The following YAP1 variants were observed in gnomAD, a reference collection of about 807,000 sequenced individuals.
YAP1 encodes the protein transcriptional coactivator YAP1.
YAP1 carries 5 observed loss-of-function variants against 56.9 expected under a neutral mutation model. The observed-to-expected ratio is 0.09, with a 90% CI of 0.05 to 0.18. The LOEUF (loss-of-function observed/expected upper bound fraction) is 0.18. Among genes scored for constraint, YAP1 ranks in the 10% least tolerant of loss-of-function variants. The probability of loss-of-function intolerance (pLI) is 1.00; values close to 1 mark genes in which losing one functional copy is unlikely to be tolerated. For missense variants in YAP1, 539 were observed against 651.8 expected, an observed-to-expected ratio of 0.83 and a Z score of 1.88; for synonymous variants, 265 against 248.1, an observed-to-expected ratio of 1.07 and a Z score of -0.64.
chr11:102,223,278 A>G (rs751239092), intron 6 of YAP1, among the ~76,000 whole-genome samples: 1 of 150,292 alleles, frequency 6.7e-6, no homozygotes, highest in Non-Finnish European at 1.5e-5. Flanking sequence ...AAAAAGAAGA[A>G]TTTTTTTTTA....
intron 2 of YAP1, among the ~76,000 whole-genome samples, chr11:102,118,439 T>C (rs1198237141): frequency 2.0e-5 from 3 of 148,746 alleles, no homozygotes; most frequent in Admixed American, 1.4e-4. Flanking sequence ...TCGCTATACA[T>C]AGGCTGATTC....
At chr11:102,112,689 G>A (rs566712921) in intron 1 of YAP1, 7 of 985,116 alleles carry the variant, frequency 7.1e-6, no homozygotes, top group Non-Finnish European at 8.4e-6. Flanking sequence ...GGGTTAAGGA[G>A]GAGGAAAGAA....
chr11:102,223,537 C>T, intron 6 of YAP1, 85 bp from the exon 7 acceptor site: 13 of 1,449,480 alleles, frequency 9.0e-6, no homozygotes, highest in Non-Finnish European at 1.2e-5. Context: ...TGCACGGTTA[C>T]TCTGATGAAC....
At position 102,162,475 on chromosome 11, in the gene YAP1, A is replaced by G; in HGVS notation, c.592A>G (p.Thr198Ala). The G allele has an allele frequency of 6.2e-7, 1 of 1,614,204 alleles. No individual in the cohort carries two copies. The highest frequency in any genetic ancestry group is 8.5e-7 in the Non-Finnish European group (1 of 1,180,028). The stretch of plus-strand genomic sequence containing the variant: ...TCTTAGTCACATCGATCAGACAACA[A>G]CATGGCAGGACCCCAGGAAGGCCAT... The part of the protein sequence containing the change: ...YFLNHIDQTT[T>A]WQDPRKAMLS... The change falls in exon 3 of 9, where the codon ACA (threonine) becomes GCA (alanine). Residue 198 changes from threonine to alanine, a missense_variant. Physicochemically the swap from Thr to Ala is moderately conservative, Grantham distance 58. Around this residue, in one of 4 missense-constraint regions of YAP1, gnomAD observed 414 missense variants for 512.4 expected, o/e 0.81. Transcript: ENST00000282441.
chr11:102,214,719 G>T (rs1949576675), intron 6 of YAP1, among the ~76,000 whole-genome samples: 1 of 152,064 alleles, frequency 6.6e-6, no homozygotes, highest in Admixed American at 6.5e-5. Context: ...GGAAGATTTA[G>T]TCTCACACCT....
intron 2 of YAP1, among the ~76,000 whole-genome samples, chr11:102,143,314 A>C (rs997626800): frequency 4.6e-5 from 7 of 152,200 alleles, no homozygotes; most frequent in Admixed American, 4.6e-4. Context: ...GGCATCAATA[A>C]GGAAGAATTA....
intron 3 of YAP1, among the ~76,000 whole-genome samples, chr11:102,163,337 T>G (rs1316330202): frequency 6.6e-6 from 1 of 152,214 alleles, no homozygotes; most frequent in Non-Finnish European, 1.5e-5. Context: ...AGTGAAAGTT[T>G]AGCCCCTTCA....
intron 2 of YAP1, among the ~76,000 whole-genome samples, chr11:102,145,837 T>G (rs575899718): frequency 6.6e-5 from 10 of 152,218 alleles, no homozygotes; most frequent in Non-Finnish European, 1.3e-4. Flanking sequence ...CCTTACTCCT[T>G]TGCTCACTCA....
intron 2 of YAP1, among the ~76,000 whole-genome samples, chr11:102,154,568 G>A (rs1034969745): frequency 1.3e-5 from 2 of 152,106 alleles, no homozygotes; most frequent in Non-Finnish European, 2.9e-5. Flanking sequence ...ATGGATGGAA[G>A]AATGATGGGT....
chr11:102,172,575 G>C (rs532978952), intron 3 of YAP1, among the ~76,000 whole-genome samples: 1 of 151,068 alleles, frequency 6.6e-6, no homozygotes, highest in East Asian at 2.0e-4. Context: ...TTACATGTGT[G>C]AGCCACCACA....
intron 2 of YAP1, among the ~76,000 whole-genome samples, chr11:102,140,212 T>C (rs1421953442): frequency 6.6e-6 from 1 of 152,172 alleles, no homozygotes. Flanking sequence ...ATCTGTATTT[T>C]TCCATTGTTC....
intron 2 of YAP1, among the ~76,000 whole-genome samples, chr11:102,139,595 G>C (rs1944888419): frequency 6.6e-6 from 1 of 152,124 alleles, no homozygotes; most frequent in Non-Finnish European, 1.5e-5. Flanking sequence ...GGGTGTTCGG[G>C]AGATTGTTCA....
At chr11:102,204,083 T>C (rs945338340) in intron 4 of YAP1, among the ~76,000 whole-genome samples, 2 of 152,106 alleles carry the variant, frequency 1.3e-5, no homozygotes, top group African/African-American at 4.8e-5. Context: ...GTCTCGGTGC[T>C]GTGCTAGCCT....
rs944299157 is a variant in YAP1 at position 102,180,948 on chromosome 11, A to C, written c.689-5070A>C. Among the ~76,000 whole-genome samples the C allele has an allele frequency of 6.6e-5, 10 of 151,862 alleles. No individual in the cohort carries two copies. In the South Asian group the frequency reaches 2.1e-3, roughly 32 times the overall value. On this transcript the variant is annotated intron_variant, in intron 3 of 8. Coordinates refer to ENST00000282441, the MANE Select transcript of YAP1 (RefSeq NM_001130145.3). ...GATCTCTTGAGCTCAGGATTTCGAG[A>C]CCAGCCTGGGCAACATAATGAGACC...
At chr11:102,200,546 G>A (rs963855144) in intron 4 of YAP1, among the ~76,000 whole-genome samples, 2 of 151,388 alleles carry the variant, frequency 1.3e-5, no homozygotes, top group Non-Finnish European at 2.9e-5. Context: ...CCGTGTTCAA[G>A]TGATTATCGT....
chr11:102,177,807 CT>C (rs1947350884), intron 3 of YAP1, among the ~76,000 whole-genome samples: 2 of 151,776 alleles, frequency 1.3e-5, no homozygotes, highest in Non-Finnish European at 2.9e-5. Flanking sequence ...AGGAGAAAGA[CT>C]AGTATTGACC....
intron 6 of YAP1, among the ~76,000 whole-genome samples, chr11:102,219,739 G>A (rs762378976): frequency 9.9e-5 from 15 of 151,724 alleles, no homozygotes; most frequent in Admixed American, 6.6e-5. Context: ...TATACCTGAT[G>A]ACCTGGTTTT....
At chr11:102,181,003 C>T (rs974548831) in intron 3 of YAP1, among the ~76,000 whole-genome samples, 1 of 151,924 alleles carries the variant, frequency 6.6e-6, no homozygotes. Context: ...TAAAAAATAG[C>T]TGAGCGTGGT....
chr11:102,114,664 C>G (rs1943164577), intron 2 of YAP1, among the ~76,000 whole-genome samples: 1 of 152,116 alleles, frequency 6.6e-6, no homozygotes, highest in Non-Finnish European at 1.5e-5. Context: ...TGGTTATTCT[C>G]ATTTTGAGCT....
Sources: allele counts gnomAD v4.1 joint callset (sites outside exome capture counted in the v4.1 genomes callset), GRCh38; gene constraint gnomAD v4.1.1; regional missense constraint gnomAD v4.1.1; transcripts MANE v1.5; gene names NCBI Gene and HGNC (gene_info 2026-07-23, HGNC 2026-07-21).